PTN: variants seen among roughly 807,000 people sequenced by gnomAD.
PTN encodes heparin affin regulatory protein.
In PTN, 18 loss-of-function variants were observed where a neutral mutation model predicts 24.1. That is an observed-to-expected ratio of 0.75 (90% CI 0.52 to 1.11). The LOEUF (loss-of-function observed/expected upper bound fraction) is 1.11. Among genes scored for constraint, PTN ranks in the 50% least tolerant of loss-of-function variants. The pLI, the probability that PTN is intolerant of heterozygous loss-of-function variation, is 0.00. For synonymous variants in PTN, 78 were observed against 68.6 expected, an observed-to-expected ratio of 1.14 and a Z score of -0.67; for missense variants, 163 against 198.8, an observed-to-expected ratio of 0.82 and a Z score of 1.08.
Position 137,251,222 on chromosome 7 carries a change from G to A in PTN, c.451+8C>T. On this transcript the variant is annotated splice_region_variant and intron_variant, in intron 4 of 4. Transcript: ENST00000348225. The stretch of plus-strand genomic sequence containing the variant: ...CATTAAAATTGTGGTATAATGGCAA[G>A]GACTTACCTTGAGGTTTGGGCTTGG... 6.2e-7 allele frequency: 1 copy of A among 1,613,782 alleles called. No individual in the cohort carries two copies.
intron 1 of PTN, among the ~76,000 whole-genome samples, chr7:137,324,433 A>AAAAAAAAAAATATATATATAT: frequency 3.4e-5 from 3 of 88,762 alleles, no homozygotes; most frequent in African/African-American, 2.1e-4. Context: ...AAAAAAAAAA[A>AAAAAAAAAAATATATATATAT]ATATATATAT....
chr7:137,281,531 T>C (rs1880790), intron 1 of PTN, among the ~76,000 whole-genome samples: 78,603 of 152,052 alleles, frequency 0.52, 21,687 homozygotes, highest in Non-Finnish European at 0.63. Context: ...ATGCAGACTC[T>C]CAAGCCTTAC....
At chr7:137,245,672 A>T (rs1808710449) in intron 4 of PTN, among the ~76,000 whole-genome samples, 1 of 151,942 alleles carries the variant, frequency 6.6e-6, no homozygotes, top group Admixed American at 6.6e-5. Context: ...TTCCAGGAGG[A>T]GGCATTGTTA....
Position 137,253,501 on chromosome 7 carries a change from T to A in PTN, c.252A>T (p.Arg84Ser). The change falls in exon 3 of 5, where the codon AGA (arginine) becomes AGT (serine). Residue 84 changes from arginine (R) to serine (S), a missense_variant. Physicochemically the swap from Arg to Ser is moderately radical, Grantham distance 110. Coordinates refer to ENST00000348225, the MANE Select transcript of PTN (RefSeq NM_002825.7). ...TCTTCCAGTTGCAGGGGATCTTACA[T>A]CTCTGGGTCTTCATGGTTTGCTTGC... ...AECKQTMKTQ[R>S]CKIPCNWKKQ... 6.2e-7 allele frequency: 1 copy of A among 1,611,590 alleles called. No individual in the cohort carries two copies. The highest frequency in any genetic ancestry group is 8.5e-7 in the Non-Finnish European group (1 of 1,178,804).
chr7:137,273,590 G>A (rs1208212547), intron 1 of PTN, among the ~76,000 whole-genome samples: 1 of 152,186 alleles, frequency 6.6e-6, no homozygotes, highest in East Asian at 1.9e-4. Context: ...GTAAGCAAAT[G>A]AATGGAGGTG....
At chr7:137,265,714 C>T (rs748813904) in intron 1 of PTN, among the ~76,000 whole-genome samples, 25 of 152,190 alleles carry the variant, frequency 1.6e-4, no homozygotes, top group Non-Finnish European at 3.5e-4. Context: ...GGAAGGGAGA[C>T]AATCAGGGCC....
rs767014530 is a variant in PTN at position 137,227,974 on chromosome 7, G to A, written c.*46C>T. 6.3e-7 allele frequency: 1 copy of A among 1,599,140 alleles called. No homozygotes were observed. Among genetic ancestry groups the A allele is most frequent in the Non-Finnish European group, 8.5e-7 (1 of 1,174,162 alleles). ...GTACATATAAATGCAATAGTTAACT[G>A]ATCCTGTTTGCTGATGTCCTTTTTA... On this transcript the variant is annotated 3_prime_UTR_variant, in exon 5 of 5. Transcript: ENST00000348225.
intron 1 of PTN, among the ~76,000 whole-genome samples, chr7:137,293,287 C>G (rs1809669482): frequency 6.6e-6 from 1 of 152,138 alleles, no homozygotes; most frequent in South Asian, 2.1e-4. Context: ...CTACCTCCTA[C>G]TTCCTGACTG....
intron 1 of PTN, among the ~76,000 whole-genome samples, chr7:137,333,176 T>C (rs1431509371): frequency 1.3e-5 from 2 of 152,162 alleles, no homozygotes; most frequent in African/African-American, 4.8e-5. Flanking sequence ...CCTTCCTGTC[T>C]TTCTTGCTTC....
chr7:137,318,508 T>C (rs921338310), intron 1 of PTN: 3 of 152,228 alleles, frequency 2.0e-5, no homozygotes, highest in African/African-American at 7.2e-5. Context: ...GCTCATCGTA[T>C]ATAATTTTAA....
intron 1 of PTN, among the ~76,000 whole-genome samples, chr7:137,287,995 G>A (rs1057300653): frequency 5.9e-5 from 9 of 152,178 alleles, no homozygotes; most frequent in South Asian, 2.1e-4. Context: ...TAAACCTACC[G>A]CAGCAGCAAA....
rs530146327 is a variant in PTN, at chr7:137,311,761, AC to A, written c.-2+31677del. 1.7e-3 allele frequency among the ~76,000 whole-genome samples: 251 copies of A among 150,462 alleles called. 43 individuals are homozygous for A. Among genetic ancestry groups the A allele is most frequent in the African/African-American group, 5.9e-3 (234 of 39,764 alleles). On this transcript the variant is annotated intron_variant, in intron 1 of 4. Coordinates refer to ENST00000348225, the MANE Select transcript of PTN (RefSeq NM_002825.7). ...ATCTTATACAGGTGTAGTTCATGAT[AC>A]CCCAAAACAATTACAACAGTAACAT...
intron 1 of PTN, among the ~76,000 whole-genome samples, chr7:137,269,624 ATTTTTTTTTTTTTTTT>A (rs869311084): frequency 2.9e-4 from 18 of 63,012 alleles, no homozygotes; most frequent in South Asian, 1.2e-3. Flanking sequence ...TGCTTCATCT[ATTTTTTTTTTTTTTTT>A]TTTTTTTTTT....
chr7:137,294,803 T>G (rs1288336867), intron 1 of PTN, among the ~76,000 whole-genome samples: 2 of 152,186 alleles, frequency 1.3e-5, no homozygotes, highest in African/African-American at 4.8e-5. Context: ...GAAATAGTAA[T>G]AAAGATGGCT....
intron 1 of PTN, chr7:137,326,832 A>G (rs940929094): frequency 6.6e-6 from 1 of 152,098 alleles, no homozygotes; most frequent in Non-Finnish European, 1.5e-5. Flanking sequence ...GCTCCCCCCA[A>G]TTAGACTGTC....
At chr7:137,319,280 A>G (rs563330560) in intron 1 of PTN, among the ~76,000 whole-genome samples, 2 of 152,360 alleles carry the variant, frequency 1.3e-5, no homozygotes, top group South Asian at 4.1e-4. Flanking sequence ...TGTGAGAATT[A>G]ATTGAGTCAT....
intron 1 of PTN, among the ~76,000 whole-genome samples, chr7:137,270,118 TGAAG>T (rs1282708165): frequency 2.6e-5 from 4 of 152,220 alleles, no homozygotes; most frequent in South Asian, 4.1e-4. Context: ...CTTGTTCTCA[TGAAG>T]CTTGCACTCC....
At chr7:137,318,434 T>C (rs1236086895) in intron 1 of PTN, among the ~76,000 whole-genome samples, 1 of 152,220 alleles carries the variant, frequency 6.6e-6, no homozygotes, top group Non-Finnish European at 1.5e-5. Context: ...TCCTACAGAT[T>C]CTTTCATACA....
intron 1 of PTN, among the ~76,000 whole-genome samples, chr7:137,320,641 T>TA (rs1810148401): frequency 6.6e-6 from 1 of 152,184 alleles, no homozygotes; most frequent in African/African-American, 2.4e-5. Context: ...TGATTTTTTT[T>TA]TAAAAAAGGA....
Sources: allele counts gnomAD v4.1 joint callset (sites outside exome capture counted in the v4.1 genomes callset), GRCh38; gene constraint gnomAD v4.1.1; transcripts MANE v1.5; gene names NCBI Gene and HGNC (gene_info 2026-07-23, HGNC 2026-07-21).